Variants in MIA2 observed in about 807,000 individuals in gnomAD.
MIA2 encodes the protein melanoma inhibitory activity protein 2.
A neutral mutation model predicts 167.8 loss-of-function variants in MIA2; 127 were observed. The ratio of observed to expected loss-of-function variants is 0.76; its 90% CI spans 0.66 to 0.88. The LOEUF is 0.88. MIA2 is among the 40% of genes least tolerant of loss of function. MIA2 has a pLI of 0.00. For missense variants in MIA2, 1,690 were observed against 1,624.7 expected (o/e 1.04, Z -0.69); for synonymous variants, 552 against 541.9 (o/e 1.02, Z -0.26).
At chr14:39,276,752 C>T (rs1594899333) in intron 6 of MIA2, 182 bp from the exon 7 acceptor site, 1 of 570,340 alleles carries the variant, frequency 1.8e-6, no homozygotes, top group East Asian at 3.2e-5. Context: ...TTTCACCATA[C>T]TGCTGTTCTT....
At chr14:39,364,775 C>G (rs1436433596) in intron 23 of MIA2, among the ~76,000 whole-genome samples, 3 of 151,242 alleles carry the variant, frequency 2.0e-5, no homozygotes, top group Non-Finnish European at 4.4e-5. Flanking sequence ...AATATATTAT[C>G]TCATTGTCTC....
intron 11 of MIA2, 101 bp from the exon 12 acceptor site, chr14:39,293,899 C>T: frequency 1.2e-6 from 1 of 868,960 alleles, no homozygotes; most frequent in South Asian, 1.5e-5. Context: ...TTGAGCTTCA[C>T]TTATGGAGCT....
At chr14:39,238,852 T>A (rs1031975385) in intron 2 of MIA2, among the ~76,000 whole-genome samples, 1 of 148,482 alleles carries the variant, frequency 6.7e-6, no homozygotes, top group Admixed American at 6.8e-5. Context: ...GCTTTTTATT[T>A]GGCCCGAAGC....
chr14:39,375,014 T>TC (rs1249873594), intron 23 of MIA2, among the ~76,000 whole-genome samples: 1 of 152,214 alleles, frequency 6.6e-6, no homozygotes, highest in Admixed American at 6.5e-5. Flanking sequence ...TCATGGAGGT[T>TC]TGGACATGGC....
Position 39,259,417 on chromosome 14 carries a change from T to C in MIA2, c.1887+6246T>C, listed in dbSNP as rs1594723517. Among the ~76,000 whole-genome samples the C allele has an allele frequency of 5.3e-5, 8 of 152,332 alleles. No individual in the cohort carries two copies. The South Asian group carries it at 1.5e-3, about 28-fold the overall frequency. ...TTCAACAATGGAAAGAGAAGGAGAGTATCTCTTTCAAATCTCCGCAAGGAG... is the reference window on the plus strand; with the variant it reads ...TTCAACAATGGAAAGAGAAGGAGAGCATCTCTTTCAAATCTCCGCAAGGAG... On this transcript the variant is annotated intron_variant, in intron 6 of 28. Coordinates refer to ENST00000640607, the MANE Select transcript of MIA2 (RefSeq NM_001329214.4).
At chr14:39,235,815 C>T (rs918057576) in intron 1 of MIA2, among the ~76,000 whole-genome samples, 1 of 151,862 alleles carries the variant, frequency 6.6e-6, no homozygotes. Context: ...TTTTTCTTTC[C>T]CTCTTTATAT....
At chr14:39,303,582 T>A in intron 16 of MIA2, 58 bp downstream of exon 16, 2 of 1,209,728 alleles carry the variant, frequency 1.7e-6, no homozygotes, top group Non-Finnish European at 2.4e-6. Context: ...CGTGGATTAC[T>A]CATGTCCCAG....
chr14:39,364,927 A>G (rs1483380302), intron 23 of MIA2, among the ~76,000 whole-genome samples: 1 of 151,852 alleles, frequency 6.6e-6, no homozygotes, highest in Non-Finnish European at 1.5e-5. Flanking sequence ...TGCTGTGGAG[A>G]ATACCTTTTT....
At chr14:39,359,070 C>G (rs1025142063) in intron 23 of MIA2, among the ~76,000 whole-genome samples, 4 of 152,186 alleles carry the variant, frequency 2.6e-5, no homozygotes, top group Non-Finnish European at 5.9e-5. Context: ...CCACTACTCT[C>G]TTCAAAGCTG....
At chr14:39,265,601 G>A in intron 6 of MIA2, 1 of 524,028 alleles carries the variant, frequency 1.9e-6, no homozygotes. Flanking sequence ...AATTGGAGAG[G>A]GACATAGAGT....
chr14:39,362,903 T>C (rs2139288150), intron 23 of MIA2, among the ~76,000 whole-genome samples: 1 of 152,342 alleles, frequency 6.6e-6, no homozygotes, highest in Middle Eastern at 3.4e-3. Context: ...CAAGAAAACT[T>C]CTTTATTTCC....
At chr14:39,269,099 T>A in intron 6 of MIA2, 4 of 828,342 alleles carry the variant, frequency 4.8e-6, no homozygotes, top group African/African-American at 2.8e-5. Flanking sequence ...TTTTTTTTTT[T>A]GCTAAATGCG....
At chr14:39,264,887 T>C (rs938469029) in intron 6 of MIA2, among the ~76,000 whole-genome samples, 12 of 152,186 alleles carry the variant, frequency 7.9e-5, no homozygotes, top group African/African-American at 2.9e-4. Flanking sequence ...CTAGTATCTA[T>C]CACAAACACT....
chr14:39,346,529 A>G (rs1331995423), intron 26 of MIA2, among the ~76,000 whole-genome samples: 2 of 152,058 alleles, frequency 1.3e-5, no homozygotes, highest in African/African-American at 4.8e-5. Flanking sequence ...GCAACCCATT[A>G]AAGTTGGGAA....
chr14:39,375,011 G>GTCT (rs1488071630), intron 23 of MIA2, among the ~76,000 whole-genome samples: 1 of 152,172 alleles, frequency 6.6e-6, no homozygotes, highest in Admixed American at 6.5e-5. Context: ...GAATCATGGA[G>GTCT]GTTTGGACAT....
intron 23 of MIA2, among the ~76,000 whole-genome samples, chr14:39,380,277 ATAAAAGTTAAACTTTT>A (rs772220802): frequency 1.1e-3 from 173 of 152,348 alleles, no homozygotes; most frequent in Admixed American, 3.1e-3. Context: ...GAGAGACACA[ATAAAAGTTAAACTTTT>A]GGGTCAAACA....
intron 23 of MIA2, among the ~76,000 whole-genome samples, chr14:39,365,660 TATCTATCTATCTATC>T: frequency 2.9e-5 from 1 of 34,192 alleles, no homozygotes; most frequent in Non-Finnish European, 5.1e-5. Flanking sequence ...CCTATCTATC[TATCTATCTATCTATC>T]TATCTATCTA....
rs771095156 is a variant in MIA2 at position 39,293,262 on chromosome 14, C to T, written c.2209-9C>T. 1.9e-6 allele frequency: 3 copies of T among 1,586,344 alleles called. No individual in the cohort carries two copies. Among genetic ancestry groups the T allele is most frequent in the East Asian group, 2.2e-5 (1 of 44,552 alleles). Reference sequence around the variant, plus strand: ...ATATCTGTTTAATAAAGTTGGCTTTCTCTCTTAGGCAACCTGTGAAAAGCT... The same window carrying T: ...ATATCTGTTTAATAAAGTTGGCTTTTTCTCTTAGGCAACCTGTGAAAAGCT... On this transcript the variant is annotated splice_polypyrimidine_tract_variant and intron_variant, in intron 10 of 28. Coordinates refer to ENST00000640607, the MANE Select transcript of MIA2 (RefSeq NM_001329214.4).
chr14:39,266,365 C>T (rs1169259901), intron 6 of MIA2: 1 of 985,206 alleles, frequency 1.0e-6, no homozygotes. Context: ...AAATAGAGTC[C>T]TAAATTTAGA....
Sources: gnomAD v4.1 joint callset for allele counts (sites outside exome capture counted in the v4.1 genomes callset) on GRCh38, gnomAD v4.1.1 for gene constraint, MANE v1.5 for transcripts, NCBI Gene and HGNC (gene_info 2026-07-23, HGNC 2026-07-21) for gene names.